PKHD1: variants seen among roughly 807,000 people sequenced by gnomAD.
PKHD1 encodes fibrocystin.
Under a neutral mutation model 412.0 loss-of-function variants are expected in PKHD1, and 291 were observed. The ratio of observed to expected loss-of-function variants is 0.71; its 90% confidence interval spans 0.64 to 0.78. The LOEUF (loss-of-function observed/expected upper bound fraction) is 0.78. Among genes scored for constraint, PKHD1 ranks in the 30% least tolerant of loss-of-function variants. The pLI is 0.00. For synonymous variants in PKHD1, 1,777 were observed against 1,821.5 expected (o/e 0.98, Z 0.62); for missense variants, 4,825 against 4,950.7 (o/e 0.97, Z 0.76).
At chr6:51,996,309 G>A (rs1437871828) in intron 35 of PKHD1, among the ~76,000 whole-genome samples, 1 of 151,526 alleles carries the variant, frequency 6.6e-6, no homozygotes, top group Admixed American at 6.6e-5. Flanking sequence ...GCTCCCAGTT[G>A]GGAAGTTTAA....
intron 35 of PKHD1, among the ~76,000 whole-genome samples, chr6:51,976,268 C>T (rs1292542803): frequency 6.6e-6 from 1 of 152,056 alleles, no homozygotes; most frequent in Admixed American, 6.5e-5. Flanking sequence ...AGTGGACACA[C>T]AAAATGTGAT....
chr6:51,846,860 T>C (rs184969305), intron 50 of PKHD1, among the ~76,000 whole-genome samples: 212 of 152,308 alleles, frequency 1.4e-3, no homozygotes, highest in Middle Eastern at 3.4e-3. Context: ...TACATAAACT[T>C]CCGTCTTAAT....
chr6:52,033,235 C>T, intron 28 of PKHD1, 70 bp from the exon 29 acceptor site: 1 of 1,194,160 alleles, frequency 8.4e-7, no homozygotes, highest in Non-Finnish European at 1.2e-6. Context: ...GGGAAGAGAA[C>T]TCCATATAGA....
chr6:51,975,064 TAAATA>T (rs1794194819), intron 35 of PKHD1, among the ~76,000 whole-genome samples: 3 of 151,644 alleles, frequency 2.0e-5, no homozygotes, highest in African/African-American at 7.3e-5. Context: ...GAAAACTAAA[TAAATA>T]AAATTTAAAA....
At chr6:51,925,754 A>G (rs565902122) in intron 37 of PKHD1, among the ~76,000 whole-genome samples, 12 of 151,586 alleles carry the variant, frequency 7.9e-5, no homozygotes, top group African/African-American at 2.9e-4. Flanking sequence ...TGGACTCTCT[A>G]TCTGCTTCTC....
chr6:51,730,818 C>A (rs777953879), intron 60 of PKHD1, among the ~76,000 whole-genome samples: 2 of 152,100 alleles, frequency 1.3e-5, no homozygotes, highest in Non-Finnish European at 2.9e-5. Flanking sequence ...TATATGCATA[C>A]ACATGAAAAT....
chr6:51,689,845 T>G (rs984272594), intron 60 of PKHD1, among the ~76,000 whole-genome samples: 1 of 152,092 alleles, frequency 6.6e-6, no homozygotes, highest in Non-Finnish European at 1.5e-5. Flanking sequence ...AAATCAGAGA[T>G]GACACAAACA....
chr6:51,994,770 A>G (rs1190889929), intron 35 of PKHD1, among the ~76,000 whole-genome samples: 6 of 151,962 alleles, frequency 3.9e-5, no homozygotes, highest in Non-Finnish European at 7.4e-5. Flanking sequence ...ATTTGTAGAG[A>G]TGAGGTCTCC....
chr6:51,841,064 C>T (rs1238922163), intron 50 of PKHD1, among the ~76,000 whole-genome samples: 1 of 152,084 alleles, frequency 6.6e-6, no homozygotes, highest in Non-Finnish European at 1.5e-5. Context: ...GGATATGACA[C>T]AATTATGAAA....
At chr6:51,845,047 A>T (rs1770908874) in intron 50 of PKHD1, among the ~76,000 whole-genome samples, 1 of 152,210 alleles carries the variant, frequency 6.6e-6, no homozygotes, top group Non-Finnish European at 1.5e-5. Context: ...TGAAAAAAAC[A>T]GTTAAGTGAA....
At chr6:51,672,759 G>C (rs1738143180) in intron 60 of PKHD1, among the ~76,000 whole-genome samples, 1 of 152,192 alleles carries the variant, frequency 6.6e-6, no homozygotes, top group African/African-American at 2.4e-5. Context: ...TGAAGGGAAG[G>C]CACTCATGCA....
At chr6:51,910,886 T>A (rs906948780) in intron 39 of PKHD1, among the ~76,000 whole-genome samples, 9 of 152,058 alleles carry the variant, frequency 5.9e-5, no homozygotes, top group African/African-American at 2.2e-4. Context: ...CCCAACCACA[T>A]GGCAACATTT....
At chr6:51,882,261 A>G (rs576490710) in intron 46 of PKHD1, among the ~76,000 whole-genome samples, 1 of 152,206 alleles carries the variant, frequency 6.6e-6, no homozygotes, top group Non-Finnish European at 1.5e-5. Flanking sequence ...AGGGAAAAAA[A>G]AACTGGCACT....
chr6:51,854,591 G>A (rs530395822), intron 49 of PKHD1, among the ~76,000 whole-genome samples: 2 of 152,300 alleles, frequency 1.3e-5, no homozygotes, highest in East Asian at 3.9e-4. Flanking sequence ...TCAGACCCAG[G>A]GAGATATGAA....
intron 66 of PKHD1, among the ~76,000 whole-genome samples, chr6:51,620,923 C>T (rs1766534390): frequency 6.6e-6 from 1 of 151,828 alleles, no homozygotes; most frequent in African/African-American, 2.4e-5. Context: ...CATTTTCTGT[C>T]TCCTGTTCCA....
chr6:51,720,653 C>T (rs1020847946), intron 60 of PKHD1, among the ~76,000 whole-genome samples: 6 of 151,658 alleles, frequency 4.0e-5, no homozygotes, highest in Non-Finnish European at 8.8e-5. Context: ...TATAGCACTC[C>T]TATTTTTTTT....
At position 51,807,485 on chromosome 6, in the gene PKHD1, ATGTG is replaced by A. The variant is rs567506746; in HGVS notation, c.8303-16116_8303-16113del. On this transcript the variant is annotated intron_variant, in intron 52 of 66. Coordinates refer to ENST00000371117, the MANE Select transcript of PKHD1 (RefSeq NM_138694.4). ...TATATATATATATATATATATGTAT[ATGTG>A]TGTGTGTGTGTGTGTGTGTGTGTGT... Among the ~76,000 whole-genome samples the A allele has an allele frequency of 4.2e-3, 471 of 111,744 alleles. 8 individuals are homozygous for A. The highest frequency in any genetic ancestry group is 0.018 in the South Asian group (64 of 3,624). The allele number at this position is 111,744 out of a possible 152,430, so 73.3% of individuals were successfully genotyped here.
intron 60 of PKHD1, among the ~76,000 whole-genome samples, chr6:51,669,189 G>A (rs1328861974): frequency 2.6e-5 from 4 of 152,040 alleles, no homozygotes; most frequent in Non-Finnish European, 4.4e-5. Context: ...ACTCTTTTTG[G>A]TTGGTAAGCT....
chr6:52,042,979 G>A lies in PKHD1; in HGVS notation c.2977C>T (p.His993Tyr). The change falls in exon 27 of 67, where the codon CAT becomes TAT. Residue 993 changes from histidine to tyrosine, a missense_variant. Coordinates refer to ENST00000371117, the MANE Select transcript of PKHD1 (RefSeq NM_138694.4). Reference sequence around the variant, plus strand: ...GGTCTCACCAACATCAAGATCCGATGCATTCCAACAGGTAGCAAATCTGTC... The same window carrying A: ...GGTCTCACCAACATCAAGATCCGATACATTCCAACAGGTAGCAAATCTGTC... ...CQTDLLPVGM[H>Y]RILMLVRPSG... The A allele has an allele frequency of 6.2e-7, 1 of 1,613,996 alleles. No individual in the cohort carries two copies. The highest frequency in any genetic ancestry group is 1.1e-5 in the South Asian group (1 of 91,076).
Sources: gnomAD v4.1 joint callset for allele counts (sites outside exome capture counted in the v4.1 genomes callset) on GRCh38, gnomAD v4.1.1 for gene constraint, MANE v1.5 for transcripts, NCBI Gene and HGNC (gene_info 2026-07-23, HGNC 2026-07-21) for gene names.